Variants in SARDH observed in about 807,000 individuals in gnomAD.
SARDH encodes sarcosine dehydrogenase.
SARDH carries 95 observed loss-of-function variants against 109.1 expected under a neutral mutation model. The observed-to-expected ratio is 0.87, with a 90% CI of 0.74 to 1.03. The LOEUF is 1.03. Among genes scored for constraint, SARDH ranks in the 50% least tolerant of loss-of-function variants. The probability of loss-of-function intolerance (pLI) is 0.00; values close to 1 mark genes in which losing one functional copy is unlikely to be tolerated. For missense variants in SARDH, 1,267 were observed against 1,287.8 expected, an observed-to-expected ratio of 0.98 and a Z score of 0.25; for synonymous variants, 572 against 534.8, an observed-to-expected ratio of 1.07 and a Z score of -0.96.
chr9:133,670,716 T>A lies in SARDH; in HGVS notation c.2363A>T (p.Asp788Val). 6.2e-7 allele frequency: 1 copy of A among 1,600,312 alleles called. No homozygotes were observed. Among genetic ancestry groups the A allele is most frequent in the Non-Finnish European group, 8.5e-7 (1 of 1,174,474 alleles). The change falls in exon 19 of 21, where the codon GAC (aspartate) becomes GTC (valine). Residue 788 changes from aspartate to valine, a missense_variant. Physicochemically the swap from Asp to Val is radical, Grantham distance 152. Transcript: ENST00000439388. ...RHWHADLRPD[D>V]SPLEAGLAFT... ...GGCCAGGCCTGCCTCCAGGGGGCTG[T>A]CGTCTGGCCGCAGGTCCGCGTGCCA...
intron 14 of SARDH, among the ~76,000 whole-genome samples, chr9:133,695,005 TG>T (rs1192047666): frequency 1.3e-5 from 2 of 151,968 alleles, no homozygotes; most frequent in Non-Finnish European, 2.9e-5. Flanking sequence ...GCTGAAGAGA[TG>T]ATGTTAGGGG....
Position 133,694,247 on chromosome 9 carries a change from G to A in SARDH, c.1921+11C>T, listed in dbSNP as rs369545708. On this transcript the variant is annotated intron_variant, in intron 15 of 20. Coordinates refer to ENST00000439388, the MANE Select transcript of SARDH (RefSeq NM_001134707.2). The stretch of plus-strand genomic sequence containing the variant: ...CAGTCACAGCGCCGTGTGCACAGAG[G>A]CATCCCATACCTTCAAAGGCGGGGG... 1.9e-4 allele frequency: 290 copies of A among 1,533,062 alleles called. 1 individual carries two copies. Among genetic ancestry groups the A allele is most frequent in the Non-Finnish European group, 2.4e-4 (272 of 1,131,864 alleles). The allele number at this position is 1,533,062 out of a possible 1,614,324, so 95.0% of individuals were successfully genotyped here.
At chr9:133,659,578 C>T (rs953490993), downstream of SARDH, among the ~76,000 whole-genome samples, 2 of 152,210 alleles carry the variant, frequency 1.3e-5, no homozygotes, top group Non-Finnish European at 2.9e-5. Flanking sequence ...TTCAGCAAAA[C>T]GCTGCCCAGC....
intron 6 of SARDH, among the ~76,000 whole-genome samples, chr9:133,726,263 G>A (rs1832485831): frequency 6.6e-6 from 1 of 150,940 alleles, no homozygotes; most frequent in South Asian, 2.1e-4. Context: ...AGCTACTCGG[G>A]AGGTGGAGGT....
At chr9:133,691,783 A>G (rs1241497946) in intron 15 of SARDH, among the ~76,000 whole-genome samples, 2 of 152,120 alleles carry the variant, frequency 1.3e-5, no homozygotes, top group Non-Finnish European at 2.9e-5. Context: ...TCATAACTCA[A>G]ACAGTGCAGT....
Position 133,718,964 on chromosome 9 carries a change from C to T in SARDH, c.994G>A (p.Glu332Lys). Residue 332 changes from glutamate (E) to lysine (K), a missense_variant, in exon 7 of 21, where the codon GAG becomes AAG. Glu to Lys is a moderately conservative substitution (Grantham distance 56). Transcript: ENST00000439388. This position sits in a 1 kb window ranked among gnomAD's most constrained non-coding sequence, Gnocchi z 4.2. ...QGDALSVGGY[E>K]ANPIFWEEVS... is the part of the protein sequence containing the mutation. ...TCCTCCCAAAAGATGGGGTTGGCCTCATAGCCACCCACAGACAAGGCATCC... is the reference window on the plus strand; with the variant it reads ...TCCTCCCAAAAGATGGGGTTGGCCTTATAGCCACCCACAGACAAGGCATCC... The T allele has an allele frequency of 1.2e-6, 2 of 1,614,116 alleles. No homozygotes were observed. The highest frequency in any genetic ancestry group is 1.7e-6 in the Non-Finnish European group (2 of 1,179,974).
In SARDH at chr9:133,734,089, A is replaced by G; in HGVS notation, c.85T>C (p.Ser29Pro). 1 of 1,612,946 alleles carries G rather than the reference A, an allele frequency of 6.2e-7. No homozygotes were observed. The highest frequency in any genetic ancestry group is 1.7e-4 in the Middle Eastern group (1 of 6,044). ...TCGGCTGTGGGGCCAGCTGCGCTGGACAGGTTGCATGGCCCCATGCCCCGG... is the reference window on the plus strand; with the variant it reads ...TCGGCTGTGGGGCCAGCTGCGCTGGGCAGGTTGCATGGCCCCATGCCCCGG... The part of the protein sequence containing the change: ...PTRGMGPCNL[S>P]SAAGPTAEKS... The change falls in exon 2 of 21, where the codon TCC becomes CCC. Residue 29 changes from serine (S) to proline (P), a missense_variant. By Grantham distance (74) the Ser-to-Pro change is moderately conservative. Transcript: ENST00000439388.
At chr9:133,737,118 A>G (rs1832910469) in intron 1 of SARDH, among the ~76,000 whole-genome samples, 1 of 152,288 alleles carries the variant, frequency 6.6e-6, no homozygotes, top group South Asian at 2.1e-4. Context: ...CTCAGGACCC[A>G]CTGCCACACT....
intron 19 of SARDH, among the ~76,000 whole-genome samples, chr9:133,669,319 C>CCCTCCCTCTCCCTCGT (rs1456084745): frequency 1.1e-3 from 91 of 82,154 alleles, no homozygotes; most frequent in South Asian, 5.7e-3. Context: ...TCCTCCCTCA[C>CCCTCCCTCTCCCTCGT]CCTCCCTCTC....
At position 133,694,319 on chromosome 9, in the gene SARDH, G is replaced by A. The variant is rs1831206838; in HGVS notation, c.1860C>T (p.Asp620=). 6.4e-7 allele frequency: 1 copy of A among 1,550,704 alleles called. No individual in the cohort carries two copies. Among genetic ancestry groups the A allele is most frequent in the East Asian group, 2.4e-5 (1 of 40,916 alleles). The part of the protein sequence containing the change: ...MLNHRGGTES[D]LTVSRLAPSH... Reference sequence around the variant, plus strand: ...TGGGTGCCAGGCGGCTGACAGTCAGGTCACTCTCGGTGCCCCCACGGTGGT... The same window carrying A: ...TGGGTGCCAGGCGGCTGACAGTCAGATCACTCTCGGTGCCCCCACGGTGGT... Residue 620 remains aspartate (D), a synonymous_variant, in exon 15 of 21, where the codon GAC becomes GAT. Coordinates refer to ENST00000439388, the MANE Select transcript of SARDH (RefSeq NM_001134707.2).
At chr9:133,736,408 T>TGTTTGTTA (rs1488790520) in intron 1 of SARDH, among the ~76,000 whole-genome samples, 5 of 152,196 alleles carry the variant, frequency 3.3e-5, no homozygotes, top group Non-Finnish European at 5.9e-5. Flanking sequence ...TTTGTTTGTT[T>TGTTTGTTA]GTTTTGAGAA....
chr9:133,715,116 C>A (rs1030247733), intron 8 of SARDH, among the ~76,000 whole-genome samples: 4 of 152,140 alleles, frequency 2.6e-5, no homozygotes, highest in Non-Finnish European at 5.9e-5. Flanking sequence ...CCCTCCCAGG[C>A]GCTCCCTAAG....
rs1041564881 is a variant in SARDH, at chr9:133,704,339, T to C, written c.1554+609A>G. ...GTAAATCTGGATCAAATGCTACCCC[T>C]CAGCTGGCCTTAAGGCCTCGCGTCC... On this transcript the variant is annotated intron_variant, in intron 12 of 20. Coordinates refer to ENST00000439388, the MANE Select transcript of SARDH (RefSeq NM_001134707.2). This position sits in a 1 kb window ranked among gnomAD's most constrained non-coding sequence, Gnocchi z 4.5. Among the ~76,000 whole-genome samples, 2 of 152,148 alleles carry C rather than the reference T, an allele frequency of 1.3e-5. No individual in the cohort carries two copies. The highest frequency in any genetic ancestry group is 2.9e-5 in the Non-Finnish European group (2 of 68,020).
chr9:133,713,219 C>A, intron 8 of SARDH, 95 bp from the exon 9 acceptor site: 2 of 1,097,354 alleles, frequency 1.8e-6, no homozygotes, highest in Non-Finnish European at 2.6e-6. Flanking sequence ...GCAGGGTCTG[C>A]AGGGGCCCCT....
chr9:133,702,563 C>A (rs1831526767), intron 13 of SARDH, among the ~76,000 whole-genome samples: 1 of 152,200 alleles, frequency 6.6e-6, no homozygotes, highest in Non-Finnish European at 1.5e-5. Context: ...TCCCCCACCA[C>A]GTCTCATGCC....
chr9:133,660,852 T>C (rs1284387760), downstream of SARDH, among the ~76,000 whole-genome samples: 1 of 152,262 alleles, frequency 6.6e-6, no homozygotes, highest in Non-Finnish European at 1.5e-5. Flanking sequence ...ACCAGGGCTG[T>C]GCTTTCTGGT....
At chr9:133,665,188 C>G (rs1440764172) in intron 20 of SARDH, among the ~76,000 whole-genome samples, 1 of 152,110 alleles carries the variant, frequency 6.6e-6, no homozygotes, top group Non-Finnish European at 1.5e-5. Context: ...TCCCCGGCTG[C>G]CTGTCTGGAT....
chr9:133,728,174 G>C lies in SARDH; in HGVS notation c.915+1591C>G, dbSNP rs868295691. 1.3e-5 allele frequency among the ~76,000 whole-genome samples: 2 copies of C among 152,208 alleles called. No homozygotes were observed. The highest frequency in any genetic ancestry group is 4.1e-4 in the South Asian group (2 of 4,836). The stretch of plus-strand genomic sequence containing the variant: ...GCTCATTCTATGAACAAGAGGTCTT[G>C]TGTCCAGTGGGGCGTGGCTTGCCCA... On this transcript the variant is annotated intron_variant, in intron 6 of 20. Transcript: ENST00000439388. This position sits in a 1 kb window ranked among gnomAD's most constrained non-coding sequence, Gnocchi z 5.0.
chr9:133,711,853 G>A (rs574342838), intron 10 of SARDH, among the ~76,000 whole-genome samples: 16 of 152,252 alleles, frequency 1.1e-4, no homozygotes, highest in African/African-American at 2.4e-4. Flanking sequence ...GGAGTGGCCC[G>A]GGCCACAGGC....
Sources: allele counts gnomAD v4.1 joint callset (sites outside exome capture counted in the v4.1 genomes callset), GRCh38; gene constraint gnomAD v4.1.1; non-coding constraint Gnocchi (gnomAD v3.1); transcripts MANE v1.5; gene names NCBI Gene and HGNC (gene_info 2026-07-23, HGNC 2026-07-21).